The following NRG1 variants were observed in gnomAD, a reference collection of about 807,000 sequenced individuals.
The protein encoded by NRG1 is pro-neuregulin-1, membrane-bound isoform.
NRG1 carries 18 observed loss-of-function variants against 63.8 expected under a neutral mutation model. The ratio of observed to expected loss-of-function variants is 0.28; its 90% CI spans 0.19 to 0.42. NRG1 has a LOEUF of 0.42. Ranked by LOEUF, NRG1 falls within the 10% of genes least tolerant of loss-of-function variation. The pLI, the probability that NRG1 is intolerant of heterozygous loss-of-function variation, is 1.00. For synonymous variants in NRG1, 302 were observed against 301.3 expected, an observed-to-expected ratio of 1.00 and a Z score of -0.02; for missense variants, 762 against 814.7, an observed-to-expected ratio of 0.94 and a Z score of 0.79.
chr8:32,544,954 G>GTA (rs2129521879), upstream of NRG1, among the ~76,000 whole-genome samples: 1 of 97,780 alleles, frequency 1.0e-5, no homozygotes, highest in South Asian at 3.3e-4. Context: ...CAACTTTGTT[G>GTA]CAGTTTTTAA....
chr8:32,159,320 G>C (rs982936849), intron 1 of NRG1, among the ~76,000 whole-genome samples: 2 of 151,364 alleles, frequency 1.3e-5, no homozygotes, highest in Non-Finnish European at 2.9e-5. Flanking sequence ...GGATCATGAG[G>C]TCAGGAGATC....
chr8:31,798,597 A>G (rs1015936343), intron 1 of NRG1, among the ~76,000 whole-genome samples: 1 of 152,138 alleles, frequency 6.6e-6, no homozygotes, highest in African/African-American at 2.4e-5. Flanking sequence ...AGTGCCATTG[A>G]CTGTTTGCTT....
At chr8:32,316,806 TAAAATAA>T (rs1269989154) in intron 1 of NRG1, among the ~76,000 whole-genome samples, 4,269 of 38,718 alleles carry the variant, frequency 0.11, 208 homozygotes, top group African/African-American at 0.29. Flanking sequence ...TCCAAAAAAA[TAAAATAA>T]AATAAAATAA....
intron 1 of NRG1, among the ~76,000 whole-genome samples, chr8:32,227,905 C>T (rs1049624140): frequency 1.2e-4 from 18 of 152,106 alleles, no homozygotes; most frequent in South Asian, 2.1e-4. Context: ...TTCAGAAATA[C>T]GAGGTTTGTA....
intron 1 of NRG1, among the ~76,000 whole-genome samples, chr8:32,317,317 GC>G (rs1217306810): frequency 6.6e-6 from 1 of 152,110 alleles, no homozygotes; most frequent in East Asian, 1.9e-4. Flanking sequence ...TAACTTACTG[GC>G]CCTGCTAAAC....
intron 1 of NRG1, among the ~76,000 whole-genome samples, chr8:31,987,637 C>T (rs949851315): frequency 6.6e-6 from 1 of 151,836 alleles, no homozygotes; most frequent in Non-Finnish European, 1.5e-5. Context: ...GCTACCTATC[C>T]GGTACTATGC....
In NRG1 at chr8:32,033,666, C is replaced by T. The variant is rs183474846; in HGVS notation, c.37+394235C>T. On this transcript the variant is annotated intron_variant, in intron 1 of 10. Coordinates refer to the NRG1 transcript ENST00000519301. ...TTGTCCTTGAAGAGGTCCTTCACTT[C>T]CCTTGTTAGCTGTATTCCTAGATAT... is the stretch of plus-strand genomic sequence containing the variant. Among the ~76,000 whole-genome samples, 417 of 152,202 alleles carry T rather than the reference C, an allele frequency of 2.7e-3. 2 individuals are homozygous for T. Among genetic ancestry groups the T allele is most frequent in the African/African-American group, 9.6e-3 (397 of 41,522 alleles).
chr8:32,213,114 G>C (rs1844856570), intron 1 of NRG1, among the ~76,000 whole-genome samples: 1 of 151,968 alleles, frequency 6.6e-6, no homozygotes, highest in African/African-American at 2.4e-5. Flanking sequence ...GAACTCACTG[G>C]TGCTCCAAAG....
chr8:32,090,436 TCAGCC>T (rs1828949133), intron 1 of NRG1, among the ~76,000 whole-genome samples: 1 of 152,146 alleles, frequency 6.6e-6, no homozygotes, highest in African/African-American at 2.4e-5. Flanking sequence ...TTCTCCTGCC[TCAGCC>T]TCCCGAGAAG....
intron 1 of NRG1, among the ~76,000 whole-genome samples, chr8:32,064,474 A>T (rs1824414532): frequency 6.6e-6 from 1 of 152,044 alleles, no homozygotes; most frequent in Non-Finnish European, 1.5e-5. Flanking sequence ...TGAGCTGACA[A>T]TTTGCCATCC....
At chr8:32,767,279 A>G (rs16879954) in exon 12 of NRG1, 7,551 of 152,186 alleles carry the variant, frequency 0.05, 651 homozygotes, top group African/African-American at 0.17. Context: ...GTTAGAGGTG[A>G]AGTTTATCCA....
At chr8:32,355,262 C>T (rs1345951843) in intron 1 of NRG1, among the ~76,000 whole-genome samples, 3 of 152,030 alleles carry the variant, frequency 2.0e-5, no homozygotes, top group Non-Finnish European at 4.4e-5. Flanking sequence ...AGTTCAAAAC[C>T]AGCCTGGGCA....
intron 5 of NRG1, among the ~76,000 whole-genome samples, chr8:32,678,852 A>G (rs1397127237): frequency 1.3e-5 from 2 of 152,254 alleles, no homozygotes; most frequent in South Asian, 4.1e-4. Context: ...TCCATGTATT[A>G]TGAAAGATTT....
chr8:32,042,853 G>A (rs188019556), intron 1 of NRG1, among the ~76,000 whole-genome samples: 34 of 151,970 alleles, frequency 2.2e-4, no homozygotes, highest in African/African-American at 8.2e-4. Context: ...GAACAACACA[G>A]AGAAACATGA....
chr8:32,507,997 C>T (rs1410137485), intron 1 of NRG1, among the ~76,000 whole-genome samples: 1 of 152,182 alleles, frequency 6.6e-6, no homozygotes, highest in East Asian at 1.9e-4. Flanking sequence ...CGTACCCAGA[C>T]TACAAAAATG....
At chr8:31,804,856 A>G (rs1263584484) in intron 1 of NRG1, among the ~76,000 whole-genome samples, 1 of 152,196 alleles carries the variant, frequency 6.6e-6, no homozygotes, top group Non-Finnish European at 1.5e-5. Flanking sequence ...ATGATTAAAT[A>G]ATGGGACATG....
chr8:31,671,111 T>C (rs2130997906), intron 1 of NRG1, among the ~76,000 whole-genome samples: 1 of 151,632 alleles, frequency 6.6e-6, no homozygotes, highest in South Asian at 2.1e-4. Context: ...TCCAGCTCCA[T>C]CTGTGTTGCT....
At chr8:31,775,803 A>AGGCAGGAGAATGGTGTGT (rs1313313787) in intron 1 of NRG1, among the ~76,000 whole-genome samples, 69 of 145,650 alleles carry the variant, frequency 4.7e-4, no homozygotes, top group African/African-American at 1.7e-3. Flanking sequence ...GAATGGTGTG[A>AGGCAGGAGAATGGTGTGT]ACCCAGGAGG....
At chr8:32,415,805 T>C (rs1815824710) in intron 1 of NRG1, among the ~76,000 whole-genome samples, 1 of 152,222 alleles carries the variant, frequency 6.6e-6, no homozygotes, top group African/African-American at 2.4e-5. Flanking sequence ...GTGGTTTTTG[T>C]ATCTGATCAT....
Sources: gnomAD v4.1 joint callset for allele counts (sites outside exome capture counted in the v4.1 genomes callset) on GRCh38, gnomAD v4.1.1 for gene constraint, MANE v1.5 for transcripts, NCBI Gene and HGNC (gene_info 2026-07-23, HGNC 2026-07-21) for gene names.